The following RNF207 variants were observed in gnomAD, a reference collection of about 807,000 sequenced individuals.
RNF207 encodes OTTHUMG00000001089.
A neutral mutation model predicts 79.0 loss-of-function variants in RNF207; 72 were observed. The ratio of observed to expected loss-of-function variants is 0.91; its 90% CI spans 0.75 to 1.11. RNF207 has a LOEUF of 1.11. Ranked by LOEUF, RNF207 falls within the 50% of genes least tolerant of loss-of-function variation. The pLI, the probability that RNF207 is intolerant of heterozygous loss-of-function variation, is 0.00. For synonymous variants in RNF207, 348 were observed against 366.2 expected (o/e 0.95, Z 0.57); for missense variants, 936 against 855.8 (o/e 1.09, Z -1.17).
At chr1:6,209,875 G>A in intron 7 of RNF207, 49 bp from the exon 8 acceptor site, 2 of 1,545,790 alleles carry the variant, frequency 1.3e-6, no homozygotes, top group Non-Finnish European at 1.7e-6. Context: ...ATGGTGGGAG[G>A]TGGCAGGGCT....
rs578086980 is a variant in RNF207 at position 6,214,112 on chromosome 1, A to G, written c.1652+929A>G. Among the ~76,000 whole-genome samples the G allele has an allele frequency of 1.1e-4, 17 of 152,328 alleles. No individual in the cohort carries two copies. The East Asian group carries it at 2.9e-3, about 26-fold the overall frequency. Reference sequence around the variant, plus strand: ...TACTTGACAGTTTCACTGGGTATCAAATTCTAGATGGGAAATTCTAGATTG... The same window carrying G: ...TACTTGACAGTTTCACTGGGTATCAGATTCTAGATGGGAAATTCTAGATTG... On this transcript the variant is annotated intron_variant, in intron 16 of 17. Transcript: ENST00000377939.
At chr1:6,212,077 A>G (rs709208) in intron 13 of RNF207, 24 bp downstream of exon 13, 497,113 of 1,467,432 alleles carry the variant, frequency 0.34, 78,213 homozygotes, top group African/African-American at 0.58. Flanking sequence ...GATCTGCCGG[A>G]GGGGGGAGAT....
At position 6,206,586 on chromosome 1, in the gene RNF207, C is replaced by T. The variant is rs773727266; in HGVS notation, c.51C>T (p.Ala17=). ...TGGAGGGCCCGAGCTCCCTGGATGC[C>T]CCGAGCATCCACCCGCTGGTGTGCC... ...GPLEGPSSLD[A]PSIHPLVCPL... Residue 17 remains alanine, a synonymous_variant, in exon 2 of 18, where the codon GCC becomes GCT. Coordinates refer to ENST00000377939, the MANE Select transcript of RNF207 (RefSeq NM_207396.3). The T allele has an allele frequency of 6.2e-7, 1 of 1,603,198 alleles. No individual in the cohort carries two copies. Among genetic ancestry groups the T allele is most frequent in the South Asian group, 1.1e-5 (1 of 90,922 alleles).
At chr1:6,218,684 A>G (rs535344857) in intron 17 of RNF207, among the ~76,000 whole-genome samples, 2 of 152,346 alleles carry the variant, frequency 1.3e-5, no homozygotes, top group South Asian at 4.1e-4. Flanking sequence ...GGTCACTGAA[A>G]TGAGAAAGTG....
intron 16 of RNF207, among the ~76,000 whole-genome samples, chr1:6,214,210 A>G (rs141457787): frequency 2.3e-4 from 35 of 152,232 alleles, no homozygotes; most frequent in African/African-American, 7.7e-4. Context: ...TTGTTCATGA[A>G]GTCTGAAGGC....
intron 17 of RNF207, among the ~76,000 whole-genome samples, chr1:6,218,589 C>T (rs1668444272): frequency 6.6e-6 from 1 of 152,192 alleles, no homozygotes; most frequent in Non-Finnish European, 1.5e-5. Flanking sequence ...GACAGAACCC[C>T]ATTTTACCAT....
chr1:6,207,809 A>T lies in RNF207; in HGVS notation c.324+298A>T, dbSNP rs1421165652. On this transcript the variant is annotated intron_variant, in intron 3 of 17. Transcript: ENST00000377939. The surrounding 1 kb of genome is among the most constrained non-coding windows in gnomAD (Gnocchi z 4.5). ...AGTTGTGGACCTGCACAGGAGGGGC[A>T]GTCCAGTTTGCAGGCCTGGGCCGAC... The T allele has an allele frequency of 1.7e-6, 1 of 602,194 alleles. No homozygotes were observed. The highest frequency in any genetic ancestry group is 2.2e-5 in the Admixed American group (1 of 46,246). The allele number at this position is 602,194 out of a possible 1,614,324, so 37.3% of individuals were successfully genotyped here.
Position 6,219,482 on chromosome 1 carries a change from C to T in RNF207, c.*75C>T. The T allele has an allele frequency of 9.0e-7, 1 of 1,112,698 alleles. No individual in the cohort carries two copies. The highest frequency in any genetic ancestry group is 2.6e-5 in the Admixed American group (1 of 38,722). 68.9% of individuals were successfully genotyped at this position (1,112,698 alleles called of 1,614,324 possible). ...GGGACACTGGACAGAAGGTTGTTCC[C>T]ATGATGGTTTTTTTTATTTTTTATT... On this transcript the variant is annotated 3_prime_UTR_variant, in exon 18 of 18. Coordinates refer to ENST00000377939, the MANE Select transcript of RNF207 (RefSeq NM_207396.3).
chr1:6,219,156 C>A, intron 17 of RNF207, 80 bp from the exon 18 acceptor site: 1 of 1,345,790 alleles, frequency 7.4e-7, no homozygotes, highest in Non-Finnish European at 1.0e-6. Flanking sequence ...ATTCTGAGTG[C>A]TTTGGCCCAA....
chr1:6,207,379 A>G lies in RNF207; in HGVS notation c.192A>G (p.Gln64=). The G allele has an allele frequency of 6.6e-7, 1 of 1,509,040 alleles. No individual in the cohort carries two copies. Among genetic ancestry groups the G allele is most frequent in the Middle Eastern group, 2.5e-4 (1 of 3,978 alleles). The allele number at this position is 1,509,040 out of a possible 1,614,324, so 93.5% of individuals were successfully genotyped here. ...TCTCGGGGCCTGGGCTTCTCTGCAG[A>G]CACCAGACGGTGCTGAAGGGTCCCA... The part of the protein sequence containing the change: ...TDGRLTCPLC[Q]HQTVLKGPSG... Residue 64 remains glutamine (Q), a splice_region_variant and synonymous_variant, in exon 3 of 18, where the codon CAA becomes CAG. Transcript: ENST00000377939. The surrounding 1 kb of genome is among the most constrained non-coding windows in gnomAD (Gnocchi z 4.5).
chr1:6,208,897 A>T lies in RNF207; in HGVS notation c.341A>T (p.Tyr114Phe), dbSNP rs1349718083. 6.5e-7 allele frequency: 1 copy of T among 1,532,166 alleles called. No individual in the cohort carries two copies. The highest frequency in any genetic ancestry group is 8.7e-7 in the Non-Finnish European group (1 of 1,144,692). The allele number at this position is 1,532,166 out of a possible 1,614,324, so 94.9% of individuals were successfully genotyped here. ...GGCCCGCAGGACGTGGAGACCACGT[A>T]CTTCTGCAACACGTGCGGACAGCCC... ...ECSEQDVETT[Y>F]FCNTCGQPLC... The change falls in exon 4 of 18, where the codon TAC becomes TTC. Residue 114 changes from tyrosine to phenylalanine, a missense_variant. Transcript: ENST00000377939.
intron 16 of RNF207, among the ~76,000 whole-genome samples, chr1:6,215,352 G>A (rs971126965): frequency 4.3e-5 from 6 of 140,128 alleles, no homozygotes; most frequent in African/African-American, 8.0e-5. Flanking sequence ...TTTTTTTTGA[G>A]ATGGGGTCTT....
In RNF207 at chr1:6,211,379, C is replaced by T. The variant is rs888208583; in HGVS notation, c.1109+261C>T. On this transcript the variant is annotated intron_variant, in intron 12 of 17. Coordinates refer to ENST00000377939, the MANE Select transcript of RNF207 (RefSeq NM_207396.3). The surrounding 1 kb of genome is among the most constrained non-coding windows in gnomAD (Gnocchi z 4.2). Reference sequence around the variant, plus strand: ...GCTTGGCTAAAGGAGGAGGGGAGGACTCAGGCCCCCAACTACCACTGCAGC... The same window carrying T: ...GCTTGGCTAAAGGAGGAGGGGAGGATTCAGGCCCCCAACTACCACTGCAGC... Among the ~76,000 whole-genome samples the T allele has an allele frequency of 6.6e-6, 1 of 152,162 alleles. No individual in the cohort carries two copies. Among genetic ancestry groups the T allele is most frequent in the Non-Finnish European group, 1.5e-5 (1 of 68,020 alleles).
rs1667945944 is a variant in RNF207 at position 6,207,250 on chromosome 1, AC to A, written c.192-125del. On this transcript the variant is annotated intron_variant, in intron 2 of 17. Transcript: ENST00000377939. This position sits in a 1 kb window ranked among gnomAD's most constrained non-coding sequence, Gnocchi z 4.5. ...GTGCTGGCTGTGATATTTATAGCAG[AC>A]CCCAGAGCTGTGGTGCACCCCACCT... The A allele has an allele frequency of 2.2e-6, 2 of 896,232 alleles. No homozygotes were observed. Among genetic ancestry groups the A allele is most frequent in the Non-Finnish European group, 3.2e-6 (2 of 616,658 alleles). 55.5% of individuals were successfully genotyped at this position (896,232 alleles called of 1,614,324 possible). A position where few individuals can be genotyped will look rare whatever the true frequency, so the allele number is the denominator to read the frequency against.
At position 6,210,902 on chromosome 1, in the gene RNF207, G is replaced by T; in HGVS notation, c.975G>T (p.Thr325=). Residue 325 remains threonine, a synonymous_variant, in exon 11 of 18, where the codon ACG becomes ACT. Transcript: ENST00000377939. ...ELMERLQGIV[T]RPHHLRPIQS... is the part of the protein sequence containing the mutation. ...TGGAGAGGCTGCAGGGCATCGTCAC[G>T]CGGCCGCACCACCTAAGGCCTATTC... 1.2e-6 allele frequency: 2 copies of T among 1,605,848 alleles called. No individual in the cohort carries two copies. Among genetic ancestry groups the T allele is most frequent in the East Asian group, 2.2e-5 (1 of 44,574 alleles).
intron 10 of RNF207, 22 bp from the exon 11 acceptor site, chr1:6,210,848 G>T: frequency 6.3e-7 from 1 of 1,581,078 alleles, no homozygotes; most frequent in Non-Finnish European, 8.6e-7. Context: ...CCACCGGCCT[G>T]AGGCCCTCCT....
At chr1:6,212,491 G>A (rs899440999) in intron 14 of RNF207, 75 bp downstream of exon 14, 5 of 1,437,524 alleles carry the variant, frequency 3.5e-6, no homozygotes, top group Non-Finnish European at 4.8e-6. Context: ...CAGTAAGCGG[G>A]GAAAGAGGAC....
rs1213711354 is a variant in RNF207, at chr1:6,210,887, G to T, written c.960G>T (p.Leu320=). 2 of 1,603,064 alleles carry T rather than the reference G, an allele frequency of 1.2e-6. No individual in the cohort carries two copies. Among genetic ancestry groups the T allele is most frequent in the South Asian group, 2.3e-5 (2 of 88,470 alleles). Residue 320 remains leucine (L), a synonymous_variant, in exon 11 of 18, where the codon CTG becomes CTT. Coordinates refer to ENST00000377939, the MANE Select transcript of RNF207 (RefSeq NM_207396.3). Reference sequence around the variant, plus strand: ...TGCCACAGGAGCTGATGGAGAGGCTGCAGGGCATCGTCACGCGGCCGCACC... The same window carrying T: ...TGCCACAGGAGCTGATGGAGAGGCTTCAGGGCATCGTCACGCGGCCGCACC... ...LDLGYELMER[L]QGIVTRPHHL...
chr1:6,208,817 G>T, intron 3 of RNF207, 64 bp from the exon 4 acceptor site: 1 of 1,464,156 alleles, frequency 6.8e-7, no homozygotes, highest in Non-Finnish European at 9.0e-7. Context: ...ACACGCGGCG[G>T]CTGCGGTTCC....
Sources: allele counts gnomAD v4.1 joint callset (sites outside exome capture counted in the v4.1 genomes callset), GRCh38; gene constraint gnomAD v4.1.1; non-coding constraint Gnocchi (gnomAD v3.1); transcripts MANE v1.5; gene names NCBI Gene and HGNC (gene_info 2026-07-23, HGNC 2026-07-21).